GMDS: variants seen among roughly 807,000 people sequenced by gnomAD.
GMDS encodes the protein GDP-mannose 4,6 dehydratase.
GMDS carries 20 observed loss-of-function variants against 49.9 expected under a neutral mutation model. The ratio of observed to expected loss-of-function variants is 0.40; its 90% confidence interval spans 0.28 to 0.58. GMDS has a LOEUF of 0.58. GMDS is among the 20% of genes least tolerant of loss of function. The pLI, the probability that GMDS is intolerant of heterozygous loss-of-function variation, is 0.42. For synonymous variants in GMDS, 177 were observed against 178.6 expected, an observed-to-expected ratio of 0.99 and a Z score of 0.07; for missense variants, 362 against 481.4, an observed-to-expected ratio of 0.75 and a Z score of 2.32.
intron 1 of GMDS, among the ~76,000 whole-genome samples, chr6:2,226,235 C>T (rs1362233839): frequency 1.3e-5 from 2 of 152,110 alleles, no homozygotes; most frequent in African/African-American, 4.8e-5. Flanking sequence ...ATCCTGATTC[C>T]TGGGTAGAAA....
intron 1 of GMDS, among the ~76,000 whole-genome samples, chr6:2,206,718 G>C (rs974659475): frequency 1.3e-5 from 2 of 152,204 alleles, no homozygotes; most frequent in Non-Finnish European, 2.9e-5. Flanking sequence ...TGGCTTGGTA[G>C]GTCAAAATGT....
At chr6:1,637,944 T>A in intron 9 of GMDS, among the ~76,000 whole-genome samples, 1 of 152,160 alleles carries the variant, frequency 6.6e-6, no homozygotes, top group East Asian at 1.9e-4. Flanking sequence ...CTCCAAAGAC[T>A]AGGTTACTAG....
intron 1 of GMDS, among the ~76,000 whole-genome samples, chr6:2,161,196 A>G (rs966256605): frequency 3.3e-5 from 5 of 151,976 alleles, no homozygotes; most frequent in African/African-American, 1.2e-4. Flanking sequence ...TTTTTAGTAG[A>G]GACGGGATTT....
intron 7 of GMDS, among the ~76,000 whole-genome samples, chr6:1,771,777 TC>T (rs1030779276): frequency 4.6e-5 from 7 of 152,354 alleles, no homozygotes; most frequent in Admixed American, 3.3e-4. Context: ...ATCTGATATG[TC>T]CAGCCAGAAA....
At chr6:1,660,818 T>C (rs1764045797) in intron 9 of GMDS, among the ~76,000 whole-genome samples, 1 of 148,268 alleles carries the variant, frequency 6.7e-6, no homozygotes, top group Admixed American at 7.0e-5. Flanking sequence ...AATATTCTCA[T>C]GCGGACCTGG....
At chr6:1,882,141 A>C (rs1759393812) in intron 7 of GMDS, among the ~76,000 whole-genome samples, 1 of 152,214 alleles carries the variant, frequency 6.6e-6, no homozygotes, top group Non-Finnish European at 1.5e-5. Flanking sequence ...TGGTATTTTC[A>C]AACTGGAACA....
intron 4 of GMDS, among the ~76,000 whole-genome samples, chr6:2,050,488 A>T (rs1359154982): frequency 2.0e-5 from 3 of 152,244 alleles, no homozygotes; most frequent in Non-Finnish European, 4.4e-5. Context: ...AAACTATTCC[A>T]ATGATTAGAA....
chr6:2,102,544 T>C (rs1244148832), intron 4 of GMDS, among the ~76,000 whole-genome samples: 2 of 152,176 alleles, frequency 1.3e-5, no homozygotes, highest in Non-Finnish European at 1.5e-5. Flanking sequence ...ACCGTGGCAG[T>C]GAAAAGGTCA....
chr6:2,083,672 C>T (rs536724627), intron 4 of GMDS, among the ~76,000 whole-genome samples: 39 of 152,234 alleles, frequency 2.6e-4, no homozygotes, highest in African/African-American at 9.4e-4. Flanking sequence ...CTAATTTTGC[C>T]TTCATTTTAC....
chr6:1,624,352 C>T, intron 10 of GMDS, 120 bp downstream of exon 10: 1 of 1,281,652 alleles, frequency 7.8e-7, no homozygotes, highest in Non-Finnish European at 1.1e-6. Flanking sequence ...CCTCACTTCT[C>T]CCGCACCCCG....
chr6:1,998,280 A>G (rs1470155968), intron 4 of GMDS, among the ~76,000 whole-genome samples: 1 of 152,220 alleles, frequency 6.6e-6, no homozygotes, highest in East Asian at 1.9e-4. Flanking sequence ...CAGCCCATGA[A>G]ATACCAGATA....
chr6:1,934,910 G>T (rs1762453536), intron 6 of GMDS, among the ~76,000 whole-genome samples: 1 of 152,118 alleles, frequency 6.6e-6, no homozygotes, highest in Non-Finnish European at 1.5e-5. Flanking sequence ...CCTGAGTCAG[G>T]ACAAGTAGCC....
At chr6:2,098,569 T>G (rs565252073) in intron 4 of GMDS, among the ~76,000 whole-genome samples, 77 of 152,334 alleles carry the variant, frequency 5.1e-4, no homozygotes, top group African/African-American at 1.8e-3. Context: ...TTTATACGCT[T>G]AGTTGAGAAA....
intron 4 of GMDS, among the ~76,000 whole-genome samples, chr6:2,037,009 C>A (rs972865433): frequency 6.6e-6 from 1 of 152,160 alleles, no homozygotes; most frequent in Admixed American, 6.5e-5. Context: ...TAGGAACAGC[C>A]TGAACTTGTG....
At chr6:2,232,439 TCA>T (rs1205523882) in intron 1 of GMDS, among the ~76,000 whole-genome samples, 1 of 152,198 alleles carries the variant, frequency 6.6e-6, no homozygotes, top group Non-Finnish European at 1.5e-5. Flanking sequence ...TGAAATTTAC[TCA>T]CAACACTCTA....
At position 1,957,812 on chromosome 6, in the gene GMDS, TTTTTTTA is replaced by T. The variant is rs796863560; in HGVS notation, c.643+2048_643+2054del. Among the ~76,000 whole-genome samples, 501 of 152,248 alleles carry T rather than the reference TTTTTTTA, an allele frequency of 3.3e-3. 2 individuals are homozygous for T. The highest frequency in any genetic ancestry group is 0.012 in the African/African-American group (486 of 41,526). On this transcript the variant is annotated intron_variant, in intron 6 of 10. Transcript: ENST00000380815. ...AACATTTTTTATTACTTTAAAACAA[TTTTTTTA>T]GAGACAGGGGTCTCACTATGTTGCC...
intron 7 of GMDS, among the ~76,000 whole-genome samples, chr6:1,916,690 C>T (rs553611504): frequency 4.6e-5 from 7 of 152,206 alleles, no homozygotes; most frequent in African/African-American, 9.6e-5. Context: ...CACAATACCA[C>T]GCGCAATTAA....
chr6:1,896,302 C>T (rs1449851658), intron 7 of GMDS, among the ~76,000 whole-genome samples: 1 of 152,116 alleles, frequency 6.6e-6, no homozygotes, highest in African/African-American at 2.4e-5. Flanking sequence ...AAGATTGCTG[C>T]CTTTAGAGAA....
intron 4 of GMDS, among the ~76,000 whole-genome samples, chr6:2,113,296 C>G (rs531390245): frequency 6.6e-6 from 1 of 152,204 alleles, no homozygotes; most frequent in East Asian, 1.9e-4. Context: ...CACTCCCACC[C>G]CCATTTCTAG....
Sources: allele counts gnomAD v4.1 joint callset (sites outside exome capture counted in the v4.1 genomes callset), GRCh38; gene constraint gnomAD v4.1.1; transcripts MANE v1.5; gene names NCBI Gene and HGNC (gene_info 2026-07-23, HGNC 2026-07-21).